The following MACF1 variants were observed in gnomAD, a reference collection of about 807,000 sequenced individuals.
MACF1 encodes the protein microtubule actin crosslinking factor 1, also known as microtubule-actin cross-linking factor 1.
A neutral mutation model predicts 854.8 loss-of-function variants in MACF1; 193 were observed. The observed-to-expected ratio is 0.23, with a 90% CI of 0.20 to 0.25. MACF1 has a LOEUF of 0.25. MACF1 is among the 10% of genes least tolerant of loss of function. The pLI is 1.00. For synonymous variants in MACF1, 3,185 were observed against 3,226.7 expected, an observed-to-expected ratio of 0.99 and a Z score of 0.44; for missense variants, 7,722 against 8,929.1, an observed-to-expected ratio of 0.86 and a Z score of 5.45.
rs1437302355 is a variant in MACF1 at position 39,132,015 on chromosome 1, CATCTGACTACCTTGGACAAGGCACTGT to C, written c.220+47578_220+47604del. On this transcript the variant is annotated intron_variant, in intron 2 of 93. Coordinates refer to the MACF1 transcript ENST00000361689. The stretch of plus-strand genomic sequence containing the variant: ...ACGTGGAGAACCTTTAGAAGTGTTC[CATCTGACTACCTTGGACAAGGCACTGT>C]GACCTTCTTTGTAGCAGAGACTAAA... Among the ~76,000 whole-genome samples the C allele has an allele frequency of 2.0e-5, 3 of 152,276 alleles. No homozygotes were observed. In the East Asian group the frequency reaches 5.8e-4, roughly 29 times the overall value.
chr1:39,453,317 T>C (rs1469107008), intron 87 of MACF1, among the ~76,000 whole-genome samples: 1 of 152,240 alleles, frequency 6.6e-6, no homozygotes, highest in African/African-American at 2.4e-5. Context: ...ATGGGTATTT[T>C]TTAAAATCAT....
chr1:39,345,271 A>G (rs1027754900), intron 40 of MACF1, among the ~76,000 whole-genome samples: 19 of 152,216 alleles, frequency 1.2e-4, no homozygotes, highest in Admixed American at 7.2e-4. Context: ...TCTGAGTGTA[A>G]TCTTTCAGTT....
At position 39,437,891 on chromosome 1, in the gene MACF1, A is replaced by G; in HGVS notation, c.18103A>G (p.Asn6035Asp). 6.2e-7 allele frequency: 1 copy of G among 1,614,136 alleles called. No homozygotes were observed. Among genetic ancestry groups the G allele is most frequent in the African/African-American group, 1.3e-5 (1 of 75,018 alleles). ...VDKIRECISD[N>D]KSATVELEKL... ...CAAGATCAGAGAGTGCATCAGTGAC[A>G]ATAAGAGTGCCACCGTGGAGCTAGA... The change falls in exon 71 of 101, where the codon AAT becomes GAT. Residue 6035 changes from asparagine to aspartate, a missense_variant. Transcript: ENST00000564288.
rs751012423 is a variant in MACF1 at position 39,327,302 on chromosome 1, A to C, written c.4563A>C (p.Ala1521=). 1 of 1,607,880 alleles carries C rather than the reference A, an allele frequency of 6.2e-7. No individual in the cohort carries two copies. The highest frequency in any genetic ancestry group is 1.1e-5 in the South Asian group (1 of 90,730). The change falls in exon 36 of 101, where the codon GCA becomes GCC. Residue 1521 remains alanine (A), a synonymous_variant. Coordinates refer to ENST00000564288, the MANE Select transcript of MACF1 (RefSeq NM_001394062.1). ...KAYHDLCDGS[A]NQLQQLQSQL... ...ACCATGACCTTTGTGATGGTTCTGC[A>C]AATCAGCTTCAGCAGCTTCAGAGCC... is the stretch of plus-strand genomic sequence containing the variant.
rs766140286 is a variant in MACF1, at chr1:39,442,926, C to T, written c.19302+15C>T. ...CTCTGCAGCAGGTACATGTGACATC[C>T]AAGTAAGGTAGGAAGAGCTATACAG... On this transcript the variant is annotated intron_variant, in intron 78 of 100. Coordinates refer to ENST00000564288, the MANE Select transcript of MACF1 (RefSeq NM_001394062.1). 6.2e-7 allele frequency: 1 copy of T among 1,609,664 alleles called. No individual in the cohort carries two copies.
At chr1:39,098,309 G>A (rs1214545526) in intron 2 of MACF1, among the ~76,000 whole-genome samples, 1 of 152,224 alleles carries the variant, frequency 6.6e-6, no homozygotes, top group Admixed American at 6.5e-5. Context: ...AGGCAGATGT[G>A]CTACAGCAGA....
chr1:39,302,848 C>T, intron 22 of MACF1, 76 bp from the exon 23 acceptor site: 4 of 1,401,468 alleles, frequency 2.9e-6, no homozygotes, highest in Non-Finnish European at 4.0e-6. Context: ...GATTTGATAG[C>T]TTTGGGATGA....
At chr1:39,363,604 C>CTTTCTTTCT (rs771066867) in intron 49 of MACF1, among the ~76,000 whole-genome samples, 1,888 of 136,050 alleles carry the variant, frequency 0.014, 14 homozygotes, top group Middle Eastern at 0.027. Context: ...TTCTTTCTTT[C>CTTTCTTTCT]TTTTTTTTTT....
intron 68 of MACF1, among the ~76,000 whole-genome samples, chr1:39,434,091 T>G (rs1388006309): frequency 3.3e-5 from 5 of 151,834 alleles, no homozygotes; most frequent in Non-Finnish European, 1.5e-5. Context: ...AAAACATATA[T>G]AATAATAATA....
At chr1:39,205,953 C>G (rs1307884467) in intron 1 of MACF1, among the ~76,000 whole-genome samples, 1 of 152,096 alleles carries the variant, frequency 6.6e-6, no homozygotes, top group Admixed American at 6.6e-5. Flanking sequence ...CTAACTTTTA[C>G]TGGAGTGTAT....
intron 2 of MACF1, among the ~76,000 whole-genome samples, chr1:39,137,115 G>A (rs932659706): frequency 6.6e-6 from 1 of 151,942 alleles, no homozygotes; most frequent in Admixed American, 6.6e-5. Flanking sequence ...TGTTGCCCAC[G>A]TTGGAATGCA....
At chr1:39,375,360 G>A (rs1649627628) in intron 52 of MACF1, among the ~76,000 whole-genome samples, 2 of 151,548 alleles carry the variant, frequency 1.3e-5, no homozygotes, top group Non-Finnish European at 2.9e-5. Flanking sequence ...GGAGTGCAGT[G>A]GCACGATCTC....
At chr1:39,194,704 T>C (rs117011016) in intron 2 of MACF1, among the ~76,000 whole-genome samples, 3,134 of 75,290 alleles carry the variant, frequency 0.042, 65 homozygotes, top group East Asian at 0.19. Flanking sequence ...CTCCCCTCCC[T>C]TCCCTTCTCT....
chr1:39,206,523 A>G (rs1161645579), intron 1 of MACF1: 2 of 152,224 alleles, frequency 1.3e-5, no homozygotes, highest in African/African-American at 4.8e-5. Flanking sequence ...AATGGAACTT[A>G]AGAGCTATCA....
intron 15 of MACF1, among the ~76,000 whole-genome samples, chr1:39,288,864 A>G (rs1645708979): frequency 6.6e-6 from 1 of 152,204 alleles, no homozygotes; most frequent in Admixed American, 6.5e-5. Context: ...GTTCTATCAG[A>G]TGCTAGGTAT....
At chr1:39,445,988 G>A (rs940158335) in intron 80 of MACF1, among the ~76,000 whole-genome samples, 13 of 152,126 alleles carry the variant, frequency 8.5e-5, no homozygotes, top group Non-Finnish European at 1.6e-4. Flanking sequence ...CCTTGGACAG[G>A]CTGTCATCCA....
rs1484054954 is a variant in MACF1, at chr1:39,194,338, TTTCTTTTCTTTTC to T, written c.221-36841_221-36829del. Among the ~76,000 whole-genome samples the T allele has an allele frequency of 4.6e-4, 31 of 67,914 alleles. 1 individual carries two copies. The highest frequency in any genetic ancestry group is 6.4e-4 in the African/African-American group (10 of 15,514). 44.6% of individuals were successfully genotyped at this position (67,914 alleles called of 152,430 possible). ...TGGAATTTCTTTTCTTTTCTTTTCT[TTTCTTTTCTTTTC>T]TTTTTTTTTTTTTTTTTTTTGTGAT... is the stretch of plus-strand genomic sequence containing the variant. On this transcript the variant is annotated intron_variant, in intron 2 of 93. Coordinates refer to the MACF1 transcript ENST00000361689.
chr1:39,368,536 C>T (rs1648936531), intron 50 of MACF1, among the ~76,000 whole-genome samples: 1 of 152,008 alleles, frequency 6.6e-6, no homozygotes, highest in Non-Finnish European at 1.5e-5. Context: ...GAGTATCACT[C>T]TGTCACCCAG....
In MACF1 at chr1:39,442,205, G is replaced by C; in HGVS notation, c.18833G>C (p.Gly6278Ala). 1 of 1,606,888 alleles carries C rather than the reference G, an allele frequency of 6.2e-7. No homozygotes were observed. Among genetic ancestry groups the C allele is most frequent in the Non-Finnish European group, 8.5e-7 (1 of 1,177,872 alleles). Reference protein sequence around the residue: ...QIEMEKLNHQGELMLKKATDE... With the variant: ...QIEMEKLNHQAELMLKKATDE... ...GAGATGGAGAAGCTTAATCACCAGG[G>C]TGAACTGATGTTAAAGAAAGCTACT... The change falls in exon 76 of 101, where the codon GGT (glycine) becomes GCT (alanine). Residue 6278 changes from glycine to alanine, a missense_variant. Around this residue, in one of 15 missense-constraint regions of MACF1, gnomAD observed 2,807 missense variants for 3,235.8 expected, o/e 0.87. Transcript: ENST00000564288.
Sources: allele counts gnomAD v4.1 joint callset (sites outside exome capture counted in the v4.1 genomes callset), GRCh38; gene constraint gnomAD v4.1.1; regional missense constraint gnomAD v4.1.1; transcripts MANE v1.5; gene names NCBI Gene and HGNC (gene_info 2026-07-23, HGNC 2026-07-21).